The following CCDC196 variants were observed in gnomAD, a reference collection of about 807,000 sequenced individuals.
CCDC196 encodes the protein coiled-coil domain-containing protein 196.
rs2057473408 is a variant in CCDC196 at position 66,488,968 on chromosome 14, G to T, written c.301-19G>T. 2.4e-6 allele frequency: 1 copy of T among 412,986 alleles called. No individual in the cohort carries two copies. Among genetic ancestry groups the T allele is most frequent in the Admixed American group, 4.4e-5 (1 of 22,686 alleles). The allele number at this position is 412,986 out of a possible 1,614,324, so 25.6% of individuals were successfully genotyped here. A position where few individuals can be genotyped will look rare whatever the true frequency, so the allele number is the denominator to read the frequency against. ...ACAAATACATGCTTCTGTTTGTTTG[G>T]TTCTTCCCCCTCCAACAGGAAAGGA... On this transcript the variant is annotated intron_variant, in intron 3 of 9. Transcript: ENST00000636229.
At chr14:66,497,800 A>G (rs886631109) in intron 8 of CCDC196, among the ~76,000 whole-genome samples, 1 of 151,966 alleles carries the variant, frequency 6.6e-6, no homozygotes, top group African/African-American at 2.4e-5. Flanking sequence ...CATTTTTGTG[A>G]AATATATCTA....
chr14:66,492,897 A>C (rs2057576472), intron 8 of CCDC196: 1 of 152,640 alleles, frequency 6.6e-6, no homozygotes, highest in African/African-American at 2.4e-5. Context: ...GACATCTGAC[A>C]AAGGTTGTGA....
At chr14:66,489,109 C>T (rs886992178) in intron 4 of CCDC196, 72 bp downstream of exon 4, 33 of 412,598 alleles carry the variant, frequency 8.0e-5, no homozygotes, top group Admixed American at 2.6e-4. Context: ...TTTCCTCTGG[C>T]CCCCATCCTC....
intron 2 of CCDC196, among the ~76,000 whole-genome samples, chr14:66,487,818 C>G (rs1406950365): frequency 6.6e-6 from 1 of 152,110 alleles, no homozygotes; most frequent in Non-Finnish European, 1.5e-5. Context: ...TCTTCAACCT[C>G]TTCTTATAAA....
intron 2 of CCDC196, among the ~76,000 whole-genome samples, chr14:66,487,127 A>G (rs1451947482): frequency 6.6e-6 from 1 of 152,124 alleles, no homozygotes; most frequent in African/African-American, 2.4e-5. Flanking sequence ...ATGCTTTCTT[A>G]TGCATGATCA....
intron 2 of CCDC196, 104 bp from the exon 3 acceptor site, chr14:66,488,056 T>C (rs922184843): frequency 5.0e-6 from 2 of 403,668 alleles, no homozygotes; most frequent in Admixed American, 4.4e-5. Context: ...GATATTTCAG[T>C]CGCCATCTAA....
intron 8 of CCDC196, chr14:66,496,158 C>T: frequency 2.4e-6 from 1 of 412,142 alleles, no homozygotes. Flanking sequence ...ATTGCACAAA[C>T]CTGTCTTAGA....
intron 4 of CCDC196, among the ~76,000 whole-genome samples, chr14:66,490,426 A>T (rs1044107889): frequency 2.0e-5 from 3 of 152,190 alleles, no homozygotes; most frequent in Non-Finnish European, 4.4e-5. Flanking sequence ...TGGTCCTCAA[A>T]GAATTGTGAG....
At position 66,488,088 on chromosome 14, in the gene CCDC196, TG is replaced by T. The variant is rs2057451255; in HGVS notation, c.204-71del. ...CTAACTTTCATGGTAGAGTACTTTC[TG>T]ACTAGTTGCAGAACATCAGTATTAC... On this transcript the variant is annotated intron_variant, in intron 2 of 9. Coordinates refer to ENST00000636229, the MANE Select transcript of CCDC196 (RefSeq NM_001351576.1). The T allele has an allele frequency of 2.2e-5, 9 of 410,504 alleles. No homozygotes were observed. In the East Asian group the frequency reaches 3.2e-4, roughly 15 times the overall value. 25.4% of individuals were successfully genotyped at this position (410,504 alleles called of 1,614,324 possible). A position where few individuals can be genotyped will look rare whatever the true frequency, so the allele number is the denominator to read the frequency against.
intron 8 of CCDC196, among the ~76,000 whole-genome samples, chr14:66,497,844 T>A (rs2057702534): frequency 6.6e-6 from 1 of 152,186 alleles, no homozygotes; most frequent in Non-Finnish European, 1.5e-5. Context: ...TATATACACA[T>A]AACTTATTAT....
chr14:66,487,035 G>C (rs1259332681), intron 2 of CCDC196, among the ~76,000 whole-genome samples: 1 of 152,070 alleles, frequency 6.6e-6, no homozygotes, highest in East Asian at 1.9e-4. Flanking sequence ...CGTGGGGCTA[G>C]TTATAACTCT....
rs901010722 is a variant in CCDC196 at position 66,492,164 on chromosome 14, C to A, written c.685C>A (p.Gln229Lys). ...TTTGCAGCAGAATTTTGAGCCAATG[C>A]AAGCATTTTTAAATCTTCCTGGGTC... is the stretch of plus-strand genomic sequence containing the variant. ...LYLQQNFEPM[Q>K]AFLNLPGSQG... Residue 229 changes from glutamine to lysine, a missense_variant, in exon 8 of 10, where the codon CAA becomes AAA. Gln to Lys is a moderately conservative substitution (Grantham distance 53, BLOSUM62 1). Transcript: ENST00000636229. 2 of 413,740 alleles carry A rather than the reference C, an allele frequency of 4.8e-6. No individual in the cohort carries two copies. The highest frequency in any genetic ancestry group is 4.4e-5 in the Admixed American group (1 of 22,722). 25.6% of individuals were successfully genotyped at this position (413,740 alleles called of 1,614,324 possible).
At chr14:66,493,267 C>T (rs1039818387) in intron 8 of CCDC196, among the ~76,000 whole-genome samples, 5 of 152,088 alleles carry the variant, frequency 3.3e-5, no homozygotes, top group Admixed American at 1.3e-4. Context: ...TAAGTTGAAG[C>T]CGGGCAAATA....
intron 4 of CCDC196, among the ~76,000 whole-genome samples, chr14:66,489,317 C>A (rs981234763): frequency 6.6e-6 from 1 of 152,226 alleles, no homozygotes; most frequent in Non-Finnish European, 1.5e-5. Flanking sequence ...GCTTTCTATG[C>A]AACCATGCCA....
intron 8 of CCDC196, chr14:66,496,753 AT>A: frequency 5.9e-6 from 1 of 168,226 alleles, no homozygotes; most frequent in Non-Finnish European, 1.3e-5. Flanking sequence ...CAGCAATAAT[AT>A]AACTTGTGTT....
Position 66,486,753 on chromosome 14 carries a change from T to C in CCDC196, c.147T>C (p.Asp49=). 9.7e-6 allele frequency: 4 copies of C among 413,380 alleles called. No homozygotes were observed. The highest frequency in any genetic ancestry group is 1.8e-5 in the Non-Finnish European group (4 of 226,100). The allele number at this position is 413,380 out of a possible 1,614,324, so 25.6% of individuals were successfully genotyped here. ...TAGAGATGCTCAAACCTCTAGAAGA[T>C]AAAAACAACCTCTTATTTCAAAAGT... ...ELLEMLKPLE[D]KNNLLFQKLM... Residue 49 remains aspartate, a synonymous_variant, in exon 2 of 10, where the codon GAT becomes GAC. Transcript: ENST00000636229.
chr14:66,490,382 C>T (rs1055010276), intron 4 of CCDC196, among the ~76,000 whole-genome samples: 3 of 152,172 alleles, frequency 2.0e-5, no homozygotes, highest in African/African-American at 4.8e-5. Flanking sequence ...CTCTCCAAGT[C>T]TCAGGTTTCT....
At position 66,488,050 on chromosome 14, in the gene CCDC196, T is replaced by C. The variant is rs2057449974; in HGVS notation, c.204-110T>C. The C allele has an allele frequency of 9.9e-6, 4 of 402,258 alleles. No individual in the cohort carries two copies. In the South Asian group the frequency reaches 5.6e-4, roughly 56 times the overall value. The allele number at this position is 402,258 out of a possible 1,614,324, so 24.9% of individuals were successfully genotyped here. ...AGAAGGGCTTCCATAACTCCTGATA[T>C]TTCAGTCGCCATCTAACTTTCATGG... On this transcript the variant is annotated intron_variant, in intron 2 of 9. Transcript: ENST00000636229.
At chr14:66,493,565 C>A (rs2057592678) in intron 8 of CCDC196, among the ~76,000 whole-genome samples, 1 of 152,166 alleles carries the variant, frequency 6.6e-6, no homozygotes, top group Admixed American at 6.6e-5. Flanking sequence ...TGTTTCTCCT[C>A]TGTTCTTTGG....
Sources: allele counts gnomAD v4.1 joint callset (sites outside exome capture counted in the v4.1 genomes callset), GRCh38; gene constraint gnomAD v4.1.1; transcripts MANE v1.5; gene names NCBI Gene and HGNC (gene_info 2026-07-23, HGNC 2026-07-21).